Variants in PTAR1 observed in about 807,000 individuals in gnomAD.
PTAR1 encodes protein prenyltransferase alpha subunit repeat-containing protein 1.
PTAR1 carries 17 observed loss-of-function variants against 45.5 expected under a neutral mutation model. That is an observed-to-expected ratio of 0.37 (90% CI 0.26 to 0.56). The LOEUF (loss-of-function observed/expected upper bound fraction) is 0.56. Ranked by LOEUF, PTAR1 falls within the 20% of genes least tolerant of loss-of-function variation. The pLI is 0.77. For synonymous variants in PTAR1, 169 were observed against 171.3 expected (o/e 0.99, Z 0.11); for missense variants, 391 against 476.3 (o/e 0.82, Z 1.67).
intron 3 of PTAR1, among the ~76,000 whole-genome samples, chr9:69,740,795 A>C (rs1455448708): frequency 6.6e-6 from 1 of 152,178 alleles, no homozygotes; most frequent in Non-Finnish European, 1.5e-5. Context: ...TAGAAATATA[A>C]TGTGAGTCAC....
chr9:69,716,485 T>C lies in PTAR1; in HGVS notation c.*1857A>G, dbSNP rs190000569. ...CCAGGCTAGACAACTTTTCTGGCGTTCTTAAGTCTCAACTCACTTCAACAG... is the reference window on the plus strand; with the variant it reads ...CCAGGCTAGACAACTTTTCTGGCGTCCTTAAGTCTCAACTCACTTCAACAG... On this transcript the variant is annotated 3_prime_UTR_variant, in exon 8 of 8. Coordinates refer to ENST00000340434, the MANE Select transcript of PTAR1 (RefSeq NM_001099666.2). 2 of 152,258 alleles carry C rather than the reference T, an allele frequency of 1.3e-5. No individual in the cohort carries two copies. The highest frequency in any genetic ancestry group is 1.3e-4 in the Admixed American group (2 of 15,278). The allele number at this position is 152,258 out of a possible 1,614,324, so 9.4% of individuals were successfully genotyped here. A position where few individuals can be genotyped will look rare whatever the true frequency, so the allele number is the denominator to read the frequency against.
At chr9:69,718,709 G>A (rs1824839457) in intron 6 of PTAR1, 25 bp from the exon 7 acceptor site, 4 of 1,463,488 alleles carry the variant, frequency 2.7e-6, no homozygotes, top group Non-Finnish European at 2.7e-6. Context: ...GGAAGGAAGA[G>A]AATAAAGAAA....
intron 4 of PTAR1, among the ~76,000 whole-genome samples, chr9:69,733,850 CCAGGCA>C (rs1825660530): frequency 6.6e-6 from 1 of 152,042 alleles, no homozygotes; most frequent in Admixed American, 6.6e-5. Flanking sequence ...TTAATATGTG[CCAGGCA>C]CTGTGGGAGT....
At chr9:69,743,151 C>T (rs1826117394) in intron 2 of PTAR1, among the ~76,000 whole-genome samples, 1 of 152,038 alleles carries the variant, frequency 6.6e-6, no homozygotes, top group South Asian at 2.1e-4. Context: ...TATATTATTT[C>T]ACTAAATTCT....
At chr9:69,718,795 C>CATTT in intron 6 of PTAR1, 111 bp from the exon 7 acceptor site, 1 of 692,974 alleles carries the variant, frequency 1.4e-6, no homozygotes, top group Non-Finnish European at 2.3e-6. Context: ...ATTCACTGCC[C>CATTT]ATTTCATAAC....
intron 6 of PTAR1, among the ~76,000 whole-genome samples, chr9:69,721,897 CA>C (rs199758284): frequency 6.6e-6 from 1 of 150,680 alleles, no homozygotes; most frequent in Non-Finnish European, 1.5e-5. Flanking sequence ...TACTGGGAAA[CA>C]AAAAAAAATT....
chr9:69,752,384 C>A (rs1826571209), intron 1 of PTAR1, among the ~76,000 whole-genome samples: 1 of 152,048 alleles, frequency 6.6e-6, no homozygotes, highest in Non-Finnish European at 1.5e-5. Flanking sequence ...AGGTAATCTA[C>A]TTTCTACTGA....
chr9:69,733,961 G>A (rs998261356), intron 4 of PTAR1, among the ~76,000 whole-genome samples, 189 bp downstream of exon 4: 22 of 152,002 alleles, frequency 1.4e-4, no homozygotes, highest in Non-Finnish European at 2.6e-4. Flanking sequence ...CTGAGGCTTG[G>A]TGAGTTAAGT....
rs1824561246 is a variant in PTAR1, at chr9:69,712,487, T to A, written c.*5855A>T. The stretch of plus-strand genomic sequence containing the variant: ...TGCCTTATGCATTTGAAACTGATTA[T>A]GTATTTTATGCAAAATGGTATATTT... On this transcript the variant is annotated 3_prime_UTR_variant, in exon 8 of 8. Coordinates refer to ENST00000340434, the MANE Select transcript of PTAR1 (RefSeq NM_001099666.2). 1 of 152,196 alleles carries A rather than the reference T, an allele frequency of 6.6e-6. No homozygotes were observed. The highest frequency in any genetic ancestry group is 2.4e-5 in the African/African-American group (1 of 41,452). The allele number at this position is 152,196 out of a possible 1,614,324, so 9.4% of individuals were successfully genotyped here. A position where few individuals can be genotyped will look rare whatever the true frequency, so the allele number is the denominator to read the frequency against.
chr9:69,714,714 T>C lies in PTAR1; in HGVS notation c.*3628A>G, dbSNP rs1824661109. Reference sequence around the variant, plus strand: ...CTTTTAGAGATAACCTGTATATATTTAACCCTACTAATAATTAAGCCTTTA... The same window carrying C: ...CTTTTAGAGATAACCTGTATATATTCAACCCTACTAATAATTAAGCCTTTA... On this transcript the variant is annotated 3_prime_UTR_variant, in exon 8 of 8. Coordinates refer to ENST00000340434, the MANE Select transcript of PTAR1 (RefSeq NM_001099666.2). 1 of 152,114 alleles carries C rather than the reference T, an allele frequency of 6.6e-6. No homozygotes were observed. Among genetic ancestry groups the C allele is most frequent in the African/African-American group, 2.4e-5 (1 of 41,440 alleles). The allele number at this position is 152,114 out of a possible 1,614,324, so 9.4% of individuals were successfully genotyped here.
chr9:69,759,730 T>A, intron 1 of PTAR1, 123 bp downstream of exon 1: 8 of 914,340 alleles, frequency 8.7e-6, no homozygotes, highest in East Asian at 3.7e-5. Flanking sequence ...CTCTGCCTCC[T>A]CCCTAGAAGG....
chr9:69,755,058 A>G (rs1588490827), intron 1 of PTAR1, among the ~76,000 whole-genome samples: 3 of 152,294 alleles, frequency 2.0e-5, no homozygotes, highest in Non-Finnish European at 4.4e-5. Context: ...GTCTTATGAG[A>G]GGAACTACTA....
At chr9:69,727,558 A>C (rs1399290519) in intron 5 of PTAR1, among the ~76,000 whole-genome samples, 1 of 151,958 alleles carries the variant, frequency 6.6e-6, no homozygotes, top group African/African-American at 2.4e-5. Context: ...AAGTCAATAA[A>C]TTTTACCAGC....
intron 3 of PTAR1, among the ~76,000 whole-genome samples, chr9:69,740,386 G>GT (rs1564140187): frequency 6.6e-6 from 1 of 151,746 alleles, no homozygotes; most frequent in East Asian, 1.9e-4. Context: ...TGAATAACAC[G>GT]TGTGTATACA....
intron 3 of PTAR1, among the ~76,000 whole-genome samples, chr9:69,738,809 A>AT (rs34148439): frequency 0.44 from 60,277 of 136,988 alleles, 13,821 homozygotes; most frequent in South Asian, 0.56. Flanking sequence ...TAACACCTCA[A>AT]TTTTTTTTTT....
intron 1 of PTAR1, among the ~76,000 whole-genome samples, chr9:69,755,965 G>T (rs189121228): frequency 2.0e-5 from 3 of 152,192 alleles, no homozygotes; most frequent in African/African-American, 7.2e-5. Flanking sequence ...ATTTTACAGA[G>T]GAAGAGTCTT....
chr9:69,721,877 CTTTT>C (rs559183415), intron 6 of PTAR1, among the ~76,000 whole-genome samples: 6 of 151,914 alleles, frequency 3.9e-5, no homozygotes, highest in Non-Finnish European at 8.8e-5. Context: ...GTAAAAGTAA[CTTTT>C]ATATGTACTG....
At chr9:69,731,988 G>C (rs1473075964) in intron 5 of PTAR1, 151 bp downstream of exon 5, 1 of 613,954 alleles carries the variant, frequency 1.6e-6, no homozygotes, top group Non-Finnish European at 2.9e-6. Flanking sequence ...TTAATTACAG[G>C]GTTCCTCCAG....
At chr9:69,745,221 A>T (rs771007588) in intron 2 of PTAR1, among the ~76,000 whole-genome samples, 25 of 152,192 alleles carry the variant, frequency 1.6e-4, no homozygotes, top group Non-Finnish European at 3.2e-4. Flanking sequence ...AAACTGTCTA[A>T]ATTTCCAAAC....
Sources: gnomAD v4.1 joint callset for allele counts (sites outside exome capture counted in the v4.1 genomes callset) on GRCh38, gnomAD v4.1.1 for gene constraint, MANE v1.5 for transcripts, NCBI Gene and HGNC (gene_info 2026-07-23, HGNC 2026-07-21) for gene names.